COL25A1: variants seen among roughly 807,000 people sequenced by gnomAD.
COL25A1 encodes the protein collagen alpha-1(XXV) chain.
COL25A1 carries 103 observed loss-of-function variants against 128.4 expected under a neutral mutation model. The ratio of observed to expected loss-of-function variants is 0.80; its 90% CI spans 0.68 to 0.94. The LOEUF is 0.94. Ranked by LOEUF, COL25A1 falls within the 40% of genes least tolerant of loss-of-function variation. The pLI is 0.00. For missense variants in COL25A1, 745 were observed against 840.0 expected (o/e 0.89, Z 1.40); for synonymous variants, 279 against 277.2 (o/e 1.01, Z -0.06).
In COL25A1 at chr4:108,869,125, T is replaced by C. The variant is rs766233624; in HGVS notation, c.1046A>G (p.Gln349Arg). 6.5e-7 allele frequency: 1 copy of C among 1,549,082 alleles called. No individual in the cohort carries two copies. The highest frequency in any genetic ancestry group is 8.7e-7 in the Non-Finnish European group (1 of 1,153,736). The change falls in exon 20 of 38, where the codon CAA (glutamine) becomes CGA (arginine). Residue 349 changes from glutamine (Q) to arginine (R), a missense_variant. Gln to Arg is a conservative substitution (Grantham distance 43). Around this residue, in one of 3 missense-constraint regions of COL25A1, gnomAD observed 387 missense variants for 441.9 expected, o/e 0.88. Transcript: ENST00000399132. ...IKGEPGFIGP[Q>R]GEPGLPGLPG... ...TAAACCTGGTAAGCCTGGTTCTCCT[T>C]GAGGACCAATGAAACCTGGTTCTCC...
intron 3 of COL25A1, among the ~76,000 whole-genome samples, chr4:109,166,632 C>G (rs540827437): frequency 6.6e-6 from 1 of 152,292 alleles, no homozygotes; most frequent in East Asian, 1.9e-4. Context: ...CTCCACTGAT[C>G]TGTGTAAAAT....
intron 3 of COL25A1, among the ~76,000 whole-genome samples, chr4:109,263,433 G>A (rs1421019112): frequency 6.6e-6 from 1 of 152,090 alleles, no homozygotes; most frequent in Non-Finnish European, 1.5e-5. Flanking sequence ...ATTGGATAGT[G>A]GAGGGAAACA....
At chr4:109,300,981 A>G (rs1725462156) in intron 2 of COL25A1, among the ~76,000 whole-genome samples, 1 of 152,244 alleles carries the variant, frequency 6.6e-6, no homozygotes, top group Non-Finnish European at 1.5e-5. Context: ...GCTGTGGCTT[A>G]CCAATAACAG....
intron 3 of COL25A1, among the ~76,000 whole-genome samples, chr4:109,255,742 G>A (rs1338759011): frequency 2.0e-5 from 3 of 152,018 alleles, no homozygotes; most frequent in Non-Finnish European, 4.4e-5. Flanking sequence ...TCATTAAAAC[G>A]CTTAGTAATT....
At position 109,188,409 on chromosome 4, in the gene COL25A1, C is replaced by T. The variant is rs118028373; in HGVS notation, c.367+112174G>A. Among the ~76,000 whole-genome samples, 1,167 of 152,210 alleles carry T rather than the reference C, an allele frequency of 7.7e-3. 58 individuals carry two copies. In the South Asian group the frequency reaches 0.14, roughly 18 times the overall value. ...GAAGCTTTCAGAAAGCAACGCACTC[C>T]ACCTTGCATTTTTTCATGATTTCAT... is the stretch of plus-strand genomic sequence containing the variant. On this transcript the variant is annotated intron_variant, in intron 3 of 37. Coordinates refer to ENST00000399132, the MANE Select transcript of COL25A1 (RefSeq NM_198721.4).
intron 3 of COL25A1, among the ~76,000 whole-genome samples, chr4:109,184,741 A>T (rs1209631292): frequency 1.3e-5 from 2 of 152,212 alleles, no homozygotes; most frequent in African/African-American, 4.8e-5. Flanking sequence ...TCAGGGCAGA[A>T]GAGCTCTCCG....
chr4:108,944,195 T>TGGCTG (rs1748463165), intron 8 of COL25A1, among the ~76,000 whole-genome samples: 1 of 152,204 alleles, frequency 6.6e-6, no homozygotes, highest in African/African-American at 2.4e-5. Flanking sequence ...GGCTATTAAG[T>TGGCTG]GGCTGCGTAG....
At chr4:109,202,202 C>T (rs1162029118) in intron 3 of COL25A1, among the ~76,000 whole-genome samples, 2 of 151,990 alleles carry the variant, frequency 1.3e-5, no homozygotes, top group East Asian at 3.8e-4. Context: ...CTGATGCTAC[C>T]CGACTTCAAA....
At position 108,905,740 on chromosome 4, in the gene COL25A1, T is replaced by C. The variant is rs575607507; in HGVS notation, c.781-4568A>G. The stretch of plus-strand genomic sequence containing the variant: ...CTTTAAAACCAAGGAAGGAGTACTA[T>C]CAGTATTAAAGCAAGTCAACATACA... On this transcript the variant is annotated intron_variant, in intron 13 of 37. Transcript: ENST00000399132. 5.3e-5 allele frequency among the ~76,000 whole-genome samples: 8 copies of C among 151,632 alleles called. No individual in the cohort carries two copies. In the South Asian group the frequency reaches 1.7e-3, roughly 32 times the overall value.
intron 3 of COL25A1, among the ~76,000 whole-genome samples, chr4:109,141,130 G>T (rs1770360778): frequency 6.6e-6 from 1 of 152,188 alleles, no homozygotes; most frequent in African/African-American, 2.4e-5. Flanking sequence ...TTTATTGAGA[G>T]TTTTTAGCAT....
intron 3 of COL25A1, among the ~76,000 whole-genome samples, chr4:109,294,277 T>C (rs1379052800): frequency 6.6e-6 from 1 of 152,124 alleles, no homozygotes; most frequent in East Asian, 1.9e-4. Context: ...GCTCCTTTCA[T>C]TTAAATGAAT....
rs62324354 is a variant in COL25A1, at chr4:109,238,616, G to C, written c.367+61967C>G. On this transcript the variant is annotated intron_variant, in intron 3 of 37. Coordinates refer to ENST00000399132, the MANE Select transcript of COL25A1 (RefSeq NM_198721.4). Reference sequence around the variant, plus strand: ...TGCCAAATGAATGGTCCTGTGTTTTGTGCTTGTTCGTTTACAAACAGAGAT... The same window carrying C: ...TGCCAAATGAATGGTCCTGTGTTTTCTGCTTGTTCGTTTACAAACAGAGAT... Among the ~76,000 whole-genome samples the C allele has an allele frequency of 3.7e-3, 559 of 152,068 alleles. 1 individual carries two copies. Among genetic ancestry groups the C allele is most frequent in the Non-Finnish European group, 5.9e-3 (404 of 67,962 alleles).
At chr4:109,020,422 G>A (rs1757616054) in intron 5 of COL25A1, among the ~76,000 whole-genome samples, 1 of 147,782 alleles carries the variant, frequency 6.8e-6, no homozygotes, top group Non-Finnish European at 1.5e-5. Context: ...AGGAAAATAA[G>A]TGGTTCATCT....
intron 3 of COL25A1, among the ~76,000 whole-genome samples, chr4:109,232,024 A>G (rs1277063884): frequency 3.3e-5 from 5 of 152,200 alleles, no homozygotes; most frequent in African/African-American, 1.2e-4. Flanking sequence ...CATCATTTCA[A>G]TTTCTTGGGT....
chr4:109,193,900 C>T (rs1191383342), intron 3 of COL25A1, among the ~76,000 whole-genome samples: 2 of 152,126 alleles, frequency 1.3e-5, no homozygotes, highest in Non-Finnish European at 2.9e-5. Flanking sequence ...GCATAATCAA[C>T]TTGAGCCTTT....
chr4:108,932,623 C>T (rs1167347429), intron 11 of COL25A1, among the ~76,000 whole-genome samples: 1 of 151,872 alleles, frequency 6.6e-6, no homozygotes, highest in African/African-American at 2.4e-5. Context: ...GTTTTTGAAA[C>T]CTTGGATATA....
intron 6 of COL25A1, among the ~76,000 whole-genome samples, chr4:109,004,606 T>G (rs972623744): frequency 6.6e-6 from 1 of 152,182 alleles, no homozygotes; most frequent in Non-Finnish European, 1.5e-5. Flanking sequence ...TTTAGCATCC[T>G]CTTGGTGCTG....
At position 108,857,922 on chromosome 4, in the gene COL25A1, C is replaced by T. The variant is rs78350544; in HGVS notation, c.1320+1734G>A. 9.3e-3 allele frequency among the ~76,000 whole-genome samples: 1,408 copies of T among 152,042 alleles called. 23 individuals carry two copies. The highest frequency in any genetic ancestry group is 0.033 in the African/African-American group (1,349 of 41,474). The stretch of plus-strand genomic sequence containing the variant: ...TGGAGTTTGATTTTAAATAGTAAAC[C>T]ACTAGAACCCCACCACTAATGTTTA... On this transcript the variant is annotated intron_variant, in intron 24 of 37. Coordinates refer to ENST00000399132, the MANE Select transcript of COL25A1 (RefSeq NM_198721.4).
At chr4:108,974,752 G>A (rs571916000) in intron 6 of COL25A1, among the ~76,000 whole-genome samples, 193 bp from the exon 7 acceptor site, 44 of 152,134 alleles carry the variant, frequency 2.9e-4, no homozygotes, top group Non-Finnish European at 5.9e-4. Flanking sequence ...GTTTGTGCAT[G>A]TATACCTGTA....
Sources: allele counts gnomAD v4.1 joint callset (sites outside exome capture counted in the v4.1 genomes callset), GRCh38; gene constraint gnomAD v4.1.1; regional missense constraint gnomAD v4.1.1; transcripts MANE v1.5; gene names NCBI Gene and HGNC (gene_info 2026-07-23, HGNC 2026-07-21).